RNF24: variants seen among roughly 807,000 people sequenced by gnomAD.
The protein encoded by RNF24 is ring finger protein 24.
In RNF24, 14 loss-of-function variants were observed where a neutral mutation model predicts 20.0. The observed-to-expected ratio is 0.70, with a 90% CI of 0.46 to 1.10. RNF24 has a LOEUF of 1.10. Ranked by LOEUF, RNF24 falls within the 50% of genes least tolerant of loss-of-function variation. The pLI is 0.00. For synonymous variants in RNF24, 45 were observed against 61.1 expected, an observed-to-expected ratio of 0.74 and a Z score of 1.23; for missense variants, 124 against 177.6, an observed-to-expected ratio of 0.70 and a Z score of 1.71.
intron 2 of RNF24, among the ~76,000 whole-genome samples, chr20:3,962,140 C>G (rs1246156912): frequency 3.3e-5 from 5 of 152,038 alleles, no homozygotes; most frequent in African/African-American, 1.2e-4. Context: ...ATTGCTTGAA[C>G]TCAGGAGTTT....
At chr20:3,951,002 C>A (rs1343593143) in intron 2 of RNF24, among the ~76,000 whole-genome samples, 1 of 152,196 alleles carries the variant, frequency 6.6e-6, no homozygotes, top group East Asian at 1.9e-4. Flanking sequence ...GTAGCCCAGG[C>A]TGGAGTGCAG....
chr20:3,969,704 G>T (rs1176658320), intron 1 of RNF24, among the ~76,000 whole-genome samples: 1 of 151,360 alleles, frequency 6.6e-6, no homozygotes, highest in Non-Finnish European at 1.5e-5. Context: ...TTGCCAGGAT[G>T]TAACGAGATG....
Position 3,929,615 on chromosome 20 carries a change from C to T in RNF24, c.*4448G>A, listed in dbSNP as rs2090790700. 6.6e-6 allele frequency: 1 copy of T among 152,458 alleles called. No homozygotes were observed. The allele number at this position is 152,458 out of a possible 1,614,324, so 9.4% of individuals were successfully genotyped here. A position where few individuals can be genotyped will look rare whatever the true frequency, so the allele number is the denominator to read the frequency against. The stretch of plus-strand genomic sequence containing the variant: ...TTGCAGCCACACATCACCACTGGTC[C>T]TCACTTGGAACTGGCCAAGGTAGGG... On this transcript the variant is annotated 3_prime_UTR_variant, in exon 6 of 6. Coordinates refer to ENST00000358395, the MANE Select transcript of RNF24 (RefSeq NM_001134337.3).
chr20:3,932,702 G>C lies in RNF24; in HGVS notation c.*1361C>G, dbSNP rs961859041. The C allele has an allele frequency of 5.1e-6, 2 of 388,666 alleles. No individual in the cohort carries two copies. Among genetic ancestry groups the C allele is most frequent in the African/African-American group, 4.1e-5 (2 of 48,452 alleles). 24.1% of individuals were successfully genotyped at this position (388,666 alleles called of 1,614,324 possible). ...TGGGATGGAGTGGAGCAAAGCAGTT[G>C]ACGAGGAATTGAGGCAGGCGCTCCT... is the stretch of plus-strand genomic sequence containing the variant. On this transcript the variant is annotated 3_prime_UTR_variant, in exon 6 of 6. Transcript: ENST00000358395.
At chr20:3,948,205 AAATC>A (rs531556537) in intron 3 of RNF24, 28 bp downstream of exon 3, 608 of 1,545,278 alleles carry the variant, frequency 3.9e-4, no homozygotes, top group Middle Eastern at 6.8e-4. Flanking sequence ...GGGAAAAAAA[AAATC>A]AAAGCCAATC....
rs73580297 is a variant in RNF24 at position 3,969,758 on chromosome 20, A to G, written c.-7-5734T>C. On this transcript the variant is annotated intron_variant, in intron 1 of 5. Coordinates refer to ENST00000358395, the MANE Select transcript of RNF24 (RefSeq NM_001134337.3). ...GGGATAGTGTTAGAAAAGGCCAAGT[A>G]GGAAGCTGAAATCTGTTTTTTTTTT... Among the ~76,000 whole-genome samples, 1,090 of 147,858 alleles carry G rather than the reference A, an allele frequency of 7.4e-3. 14 individuals are homozygous for G. Among genetic ancestry groups the G allele is most frequent in the African/African-American group, 0.025 (1,016 of 40,196 alleles).
In RNF24 at chr20:3,958,430, C is replaced by T. The variant is rs553376232; in HGVS notation, c.143+5445G>A. On this transcript the variant is annotated intron_variant, in intron 2 of 5. Transcript: ENST00000358395. Reference sequence around the variant, plus strand: ...GAGTTATATTCCTTGTATCCACTTTCACCTACTAGCCAGGTTTTGCCCCAT... The same window carrying T: ...GAGTTATATTCCTTGTATCCACTTTTACCTACTAGCCAGGTTTTGCCCCAT... 2.0e-5 allele frequency among the ~76,000 whole-genome samples: 3 copies of T among 152,176 alleles called. No individual in the cohort carries two copies. In the South Asian group the frequency reaches 6.2e-4, roughly 32 times the overall value.
intron 1 of RNF24, among the ~76,000 whole-genome samples, chr20:4,004,796 A>T (rs1981711405): frequency 6.6e-6 from 1 of 152,212 alleles, no homozygotes. Context: ...GTTTAAAGCC[A>T]CGAAGTTTAT....
At chr20:3,952,559 C>T (rs1035743609) in intron 2 of RNF24, among the ~76,000 whole-genome samples, 19 of 146,734 alleles carry the variant, frequency 1.3e-4, no homozygotes, top group Middle Eastern at 3.5e-3. Context: ...TCTAAATACA[C>T]TTTTCTTTTA....
intron 1 of RNF24, among the ~76,000 whole-genome samples, chr20:4,001,268 A>AAAAC (rs895620820): frequency 6.6e-6 from 1 of 152,270 alleles, no homozygotes; most frequent in South Asian, 2.1e-4. Flanking sequence ...CTCCATCTCA[A>AAAAC]AAACAAACAA....
chr20:4,010,048 C>CACAAACAA (rs11468648), intron 1 of RNF24, among the ~76,000 whole-genome samples: 13 of 147,464 alleles, frequency 8.8e-5, no homozygotes, highest in East Asian at 4.0e-4. Flanking sequence ...GAGACCCTGT[C>CACAAACAA]ACAAACAAAC....
chr20:3,932,629 G>A lies in RNF24; in HGVS notation c.*1434C>T, dbSNP rs1028624808. On this transcript the variant is annotated 3_prime_UTR_variant, in exon 6 of 6. Transcript: ENST00000358395. Reference sequence around the variant, plus strand: ...AAAGCTCCCTCCATCCATTCTCCATGTCACGCAGACTGTATTCCTAATGAA... The same window carrying A: ...AAAGCTCCCTCCATCCATTCTCCATATCACGCAGACTGTATTCCTAATGAA... 1 of 295,070 alleles carries A rather than the reference G, an allele frequency of 3.4e-6. No individual in the cohort carries two copies. Among genetic ancestry groups the A allele is most frequent in the Non-Finnish European group, 6.2e-6 (1 of 161,638 alleles). 18.3% of individuals were successfully genotyped at this position (295,070 alleles called of 1,614,324 possible). A position where few individuals can be genotyped will look rare whatever the true frequency, so the allele number is the denominator to read the frequency against.
At chr20:3,938,048 C>T (rs977912753) in intron 4 of RNF24, among the ~76,000 whole-genome samples, 6 of 152,170 alleles carry the variant, frequency 3.9e-5, no homozygotes, top group Middle Eastern at 3.2e-3. Flanking sequence ...ATTTCCAAAG[C>T]GGCTGCACCA....
intron 1 of RNF24, among the ~76,000 whole-genome samples, chr20:4,005,425 T>G (rs1409350826): frequency 6.6e-6 from 1 of 152,216 alleles, no homozygotes; most frequent in Non-Finnish European, 1.5e-5. Flanking sequence ...AGTAAAAGCC[T>G]TTATTTAATT....
At chr20:3,940,770 G>A (rs1190081150) in intron 4 of RNF24, among the ~76,000 whole-genome samples, 2 of 152,056 alleles carry the variant, frequency 1.3e-5, no homozygotes, top group African/African-American at 4.8e-5. Flanking sequence ...AGAAGGAAGA[G>A]GCATAAAAAC....
intron 1 of RNF24, among the ~76,000 whole-genome samples, chr20:3,997,118 C>T (rs1000013313): frequency 4.1e-5 from 6 of 147,956 alleles, no homozygotes; most frequent in Non-Finnish European, 7.4e-5. Context: ...CCCAGCTACT[C>T]GGGAGGCTGA....
intron 2 of RNF24, among the ~76,000 whole-genome samples, chr20:3,958,070 TA>T (rs1368382303): frequency 6.6e-6 from 1 of 152,178 alleles, no homozygotes; most frequent in African/African-American, 2.4e-5. Flanking sequence ...ACTACACAAA[TA>T]AAGGGGGCTG....
At chr20:4,012,839 C>T (rs964714299) in intron 1 of RNF24, among the ~76,000 whole-genome samples, 4 of 152,138 alleles carry the variant, frequency 2.6e-5, no homozygotes, top group Non-Finnish European at 5.9e-5. Flanking sequence ...CGATACTGTG[C>T]AAGCTTATTT....
At chr20:4,008,452 A>ATC (rs35909534) in intron 1 of RNF24, among the ~76,000 whole-genome samples, 1 of 45,758 alleles carries the variant, frequency 2.2e-5, no homozygotes, top group Non-Finnish European at 4.3e-5. Flanking sequence ...TAATATATAT[A>ATC]ATATATAATA....
Sources: allele counts gnomAD v4.1 joint callset (sites outside exome capture counted in the v4.1 genomes callset), GRCh38; gene constraint gnomAD v4.1.1; transcripts MANE v1.5; gene names NCBI Gene and HGNC (gene_info 2026-07-23, HGNC 2026-07-21).